CTNNA3: variants seen among roughly 807,000 people sequenced by gnomAD.
CTNNA3 encodes the protein catenin alpha 3.
CTNNA3 carries 76 observed loss-of-function variants against 95.7 expected under a neutral mutation model. That is an observed-to-expected ratio of 0.79 (90% confidence interval 0.66 to 0.96). The LOEUF is 0.96. CTNNA3 is among the 40% of genes least tolerant of loss of function. The pLI is 0.00. For synonymous variants in CTNNA3, 431 were observed against 374.4 expected, an observed-to-expected ratio of 1.15 and a Z score of -1.74; for missense variants, 1,191 against 1,089.8, an observed-to-expected ratio of 1.09 and a Z score of -1.31.
At chr10:65,925,391 T>C (rs886166968) in intron 17 of CTNNA3, among the ~76,000 whole-genome samples, 3 of 152,196 alleles carry the variant, frequency 2.0e-5, no homozygotes, top group Admixed American at 1.3e-4. Context: ...TCTTCCTCTC[T>C]ACCTTCTTGC....
intron 12 of CTNNA3, among the ~76,000 whole-genome samples, chr10:66,323,154 G>T (rs1237255350): frequency 6.6e-6 from 1 of 151,916 alleles, no homozygotes; most frequent in African/African-American, 2.4e-5. Flanking sequence ...TATTTTTAAT[G>T]ATACAGGAGG....
chr10:66,451,187 T>C (rs1178822566), intron 11 of CTNNA3, among the ~76,000 whole-genome samples: 3 of 152,176 alleles, frequency 2.0e-5, no homozygotes, highest in East Asian at 3.9e-4. Context: ...TAATGATTAA[T>C]AGTGGTAGTT....
intron 10 of CTNNA3, among the ~76,000 whole-genome samples, chr10:66,613,464 T>C (rs558405481): frequency 6.6e-6 from 1 of 152,166 alleles, no homozygotes; most frequent in South Asian, 2.1e-4. Flanking sequence ...AGAAAGTGGC[T>C]GTGTAATTGG....
chr10:66,349,162 G>A (rs1448807529), intron 12 of CTNNA3, among the ~76,000 whole-genome samples: 1 of 151,996 alleles, frequency 6.6e-6, no homozygotes, highest in African/African-American at 2.4e-5. Flanking sequence ...AACTTTGTTG[G>A]GGAAATCATA....
At chr10:66,671,043 C>T (rs1234882955) in intron 9 of CTNNA3, among the ~76,000 whole-genome samples, 4 of 152,134 alleles carry the variant, frequency 2.6e-5, no homozygotes, top group African/African-American at 7.2e-5. Flanking sequence ...TTGGGAGAAG[C>T]TGTTTAAACA....
chr10:65,959,910 A>G (rs2077807956), intron 17 of CTNNA3, among the ~76,000 whole-genome samples: 1 of 152,170 alleles, frequency 6.6e-6, no homozygotes, highest in Non-Finnish European at 1.5e-5. Flanking sequence ...CAAGATCCAG[A>G]CAATGTCCTG....
Position 67,237,120 on chromosome 10 carries a change from GTGTATGTATATATATATATATATATATA to G in CTNNA3, c.580-17278_580-17251del, listed in dbSNP as rs1191642817. Among the ~76,000 whole-genome samples the G allele has an allele frequency of 5.7e-4, 9 of 15,660 alleles. 2 individuals are homozygous for G. The South Asian group carries it at 5.9e-3, about 10-fold the overall frequency. The allele number at this position is 15,660 out of a possible 152,430, so 10.3% of individuals were successfully genotyped here. A position where few individuals can be genotyped will look rare whatever the true frequency, so the allele number is the denominator to read the frequency against. On this transcript the variant is annotated intron_variant, in intron 5 of 17. Transcript: ENST00000433211. The stretch of plus-strand genomic sequence containing the variant: ...TCAATGAGTGGATAAAGAAACTATG[GTGTATGTATATATATATATATATATATA>G]TATATATATATATATATATATATAT...
chr10:66,000,397 A>C (rs2133362439), intron 15 of CTNNA3, among the ~76,000 whole-genome samples: 1 of 152,318 alleles, frequency 6.6e-6, no homozygotes, highest in Admixed American at 6.5e-5. Context: ...TATGGCTTAA[A>C]AACAAAAAAT....
chr10:66,082,586 A>G (rs1443282692), intron 14 of CTNNA3, among the ~76,000 whole-genome samples: 1 of 152,178 alleles, frequency 6.6e-6, no homozygotes, highest in African/African-American at 2.4e-5. Context: ...AATTAGTAGT[A>G]TAATACCAAT....
chr10:66,046,136 A>G (rs1283462062), intron 15 of CTNNA3, among the ~76,000 whole-genome samples: 2 of 152,098 alleles, frequency 1.3e-5, no homozygotes, highest in East Asian at 3.9e-4. Flanking sequence ...AAGACAGGAC[A>G]ACTGCCCACC....
At chr10:66,502,755 A>G (rs1840320557) in intron 11 of CTNNA3, among the ~76,000 whole-genome samples, 1 of 152,024 alleles carries the variant, frequency 6.6e-6, no homozygotes, top group African/African-American at 2.4e-5. Context: ...TCATACTTGT[A>G]CCGGGTTTTC....
upstream of CTNNA3, among the ~76,000 whole-genome samples, chr10:67,701,068 T>C (rs1157937526): frequency 6.6e-6 from 1 of 151,980 alleles, no homozygotes; most frequent in African/African-American, 2.4e-5. Flanking sequence ...AGAAGGGAAG[T>C]TTAGAGAAGA....
chr10:66,124,997 A>C (rs1041748569), intron 13 of CTNNA3, among the ~76,000 whole-genome samples: 3 of 152,208 alleles, frequency 2.0e-5, no homozygotes, highest in African/African-American at 7.2e-5. Context: ...AGAACTCTAC[A>C]TTTCTACACA....
chr10:67,552,082 T>C (rs1841053413), intron 3 of CTNNA3, among the ~76,000 whole-genome samples: 2 of 152,226 alleles, frequency 1.3e-5, no homozygotes, highest in African/African-American at 2.4e-5. Flanking sequence ...GGAGATCTCA[T>C]TGATAGCCGC....
chr10:67,023,350 T>C (rs1487222238), intron 7 of CTNNA3, among the ~76,000 whole-genome samples: 1 of 152,160 alleles, frequency 6.6e-6, no homozygotes, highest in Non-Finnish European at 1.5e-5. Context: ...AGTTTCCTCA[T>C]GGCTTTTCAT....
At chr10:66,620,716 C>G (rs531953880) in intron 10 of CTNNA3, among the ~76,000 whole-genome samples, 1 of 152,162 alleles carries the variant, frequency 6.6e-6, no homozygotes, top group South Asian at 2.1e-4. Context: ...ACTTTTCCAG[C>G]TTGTTCTTAC....
chr10:65,947,314 T>C lies in CTNNA3; in HGVS notation c.2400+19298A>G, dbSNP rs1192325644. On this transcript the variant is annotated intron_variant, in intron 17 of 17. Transcript: ENST00000433211. ...TTTTTTCTTTACACATAATTTGAAA[T>C]AACTCTTACAACAATTAGATGAAAT... Among the ~76,000 whole-genome samples the C allele has an allele frequency of 5.3e-5, 8 of 152,280 alleles. No individual in the cohort carries two copies. In the East Asian group the frequency reaches 9.6e-4, roughly 18 times the overall value.
At chr10:67,403,625 C>G (rs1007668448) in intron 5 of CTNNA3, among the ~76,000 whole-genome samples, 1 of 152,202 alleles carries the variant, frequency 6.6e-6, no homozygotes, top group Non-Finnish European at 1.5e-5. Flanking sequence ...GCATCTCACC[C>G]AGTCCAACCT....
At chr10:67,301,917 G>C (rs1028284206) in intron 5 of CTNNA3, among the ~76,000 whole-genome samples, 4 of 150,526 alleles carry the variant, frequency 2.7e-5, no homozygotes, top group East Asian at 2.0e-4. Flanking sequence ...TGCAGTGAGC[G>C]GAGATCGCGC....
Sources: allele counts gnomAD v4.1 joint callset (sites outside exome capture counted in the v4.1 genomes callset), GRCh38; gene constraint gnomAD v4.1.1; transcripts MANE v1.5; gene names NCBI Gene and HGNC (gene_info 2026-07-23, HGNC 2026-07-21).